Variants in CACNA1I observed in about 807,000 individuals in gnomAD.
CACNA1I encodes calcium voltage-gated channel subunit alpha1 I, also known as voltage-dependent T-type calcium channel subunit alpha-1I.
In CACNA1I, 74 loss-of-function variants were observed where a neutral mutation model predicts 201.6. The ratio of observed to expected loss-of-function variants is 0.37; its 90% CI spans 0.30 to 0.45. CACNA1I has a LOEUF of 0.45. CACNA1I is among the 20% of genes least tolerant of loss of function. CACNA1I has a pLI of 1.00. For synonymous variants in CACNA1I, 1,431 were observed against 1,345.2 expected (o/e 1.06, Z -1.40); for missense variants, 2,346 against 3,138.1 (o/e 0.75, Z 6.03).
chr22:39,599,906 G>A (rs890817749), intron 2 of CACNA1I, among the ~76,000 whole-genome samples: 14 of 152,286 alleles, frequency 9.2e-5, no homozygotes, highest in Non-Finnish European at 1.3e-4. Flanking sequence ...CCCAGTCCCC[G>A]CCCTCAGGAA....
chr22:39,576,436 C>T (rs995691166), intron 1 of CACNA1I, among the ~76,000 whole-genome samples: 1 of 152,240 alleles, frequency 6.6e-6, no homozygotes. Context: ...GGCATCAAAA[C>T]CCCGATTTCT....
At chr22:39,571,239 G>A (rs186267755) in intron 1 of CACNA1I, 17 of 549,740 alleles carry the variant, frequency 3.1e-5, no homozygotes, top group Admixed American at 6.2e-5. Flanking sequence ...TCCAGTGGCT[G>A]GCTGGCTCAG....
In CACNA1I at chr22:39,664,719, C is replaced by A. The variant is rs370985111; in HGVS notation, c.3667-20C>A. ...CGCCCCTCCCGCGGCAGCCTGACCC[C>A]GGCCCCACCCCCGCCCCAGGTAGTC... On this transcript the variant is annotated intron_variant, in intron 20 of 36. Transcript: ENST00000402142. 4.1e-4 allele frequency: 560 copies of A among 1,379,702 alleles called. 3 individuals are homozygous for A. The African/African-American group carries it at 7.1e-3, about 18-fold the overall frequency. The allele number at this position is 1,379,702 out of a possible 1,614,324, so 85.5% of individuals were successfully genotyped here.
At chr22:39,624,720 C>A (rs912408666) in intron 4 of CACNA1I, among the ~76,000 whole-genome samples, 1 of 152,218 alleles carries the variant, frequency 6.6e-6, no homozygotes, top group South Asian at 2.1e-4. Context: ...GGTGCCAGGT[C>A]CCCTGCCCAG....
intron 2 of CACNA1I, 117 bp downstream of exon 2, chr22:39,598,379 C>A: frequency 1.6e-6 from 1 of 636,564 alleles, no homozygotes; most frequent in South Asian, 1.8e-5. Context: ...CACTCCATGC[C>A]CCGCCCCGCT....
At position 39,673,863 on chromosome 22, in the gene CACNA1I, A is replaced by G. The variant is rs1027894578; in HGVS notation, c.4784-100A>G. 51 of 1,150,028 alleles carry G rather than the reference A, an allele frequency of 4.4e-5. No homozygotes were observed. The South Asian group carries it at 4.4e-4, about 10-fold the overall frequency. The allele number at this position is 1,150,028 out of a possible 1,614,324, so 71.2% of individuals were successfully genotyped here. ...CCAGACTCTGCTTGCACGTGCCTTC[A>G]TGTTCTCTTCTCCCAAGTTTACACA... is the stretch of plus-strand genomic sequence containing the variant. On this transcript the variant is annotated intron_variant, in intron 28 of 36. Coordinates refer to ENST00000402142, the MANE Select transcript of CACNA1I (RefSeq NM_021096.4).
chr22:39,685,079 G>C lies in CACNA1I; in HGVS notation c.6027+581G>C, dbSNP rs996083882. ...CCACAGTGAGTGCAGTTGATTCACT[G>C]GGTGACTGTCTGACCCGTCACACCA... On this transcript the variant is annotated intron_variant, in intron 36 of 36. Transcript: ENST00000402142. This position sits in a 1 kb window ranked among gnomAD's most constrained non-coding sequence, Gnocchi z 5.0. 5.7e-6 allele frequency: 1 copy of C among 176,014 alleles called. No individual in the cohort carries two copies. The highest frequency in any genetic ancestry group is 1.2e-5 in the Non-Finnish European group (1 of 83,078). The allele number at this position is 176,014 out of a possible 1,614,324, so 10.9% of individuals were successfully genotyped here. A position where few individuals can be genotyped will look rare whatever the true frequency, so the allele number is the denominator to read the frequency against.
At chr22:39,578,819 C>T (rs903292245) in intron 1 of CACNA1I, among the ~76,000 whole-genome samples, 3 of 152,212 alleles carry the variant, frequency 2.0e-5, no homozygotes, top group African/African-American at 7.2e-5. Flanking sequence ...CGTTCTTTCC[C>T]TTGGGGTCCA....
At chr22:39,616,914 C>T (rs966335063) in intron 3 of CACNA1I, among the ~76,000 whole-genome samples, 7 of 152,140 alleles carry the variant, frequency 4.6e-5, no homozygotes, top group East Asian at 3.9e-4. Context: ...AGCCAATAGT[C>T]CTAGACTGGG....
chr22:39,656,559 G>A (rs1400270426), intron 10 of CACNA1I: 3 of 514,302 alleles, frequency 5.8e-6, no homozygotes, highest in Non-Finnish European at 1.2e-5. Flanking sequence ...GGCAGGGACG[G>A]TGCCCTGACT....
chr22:39,613,735 C>T (rs914279999), intron 3 of CACNA1I, among the ~76,000 whole-genome samples: 4 of 152,212 alleles, frequency 2.6e-5, no homozygotes, highest in Non-Finnish European at 4.4e-5. Context: ...GAGCCGGAGG[C>T]GCTGGCCTGC....
At position 39,672,323 on chromosome 22, in the gene CACNA1I, T is replaced by C; in HGVS notation, c.4649+15T>C. ...TTCAAGGACCGGTGAGTGGCCAGGC[T>C]GGATTAGGGCAGTAATAGGGTAGAC... On this transcript the variant is annotated intron_variant, in intron 27 of 36. Coordinates refer to ENST00000402142, the MANE Select transcript of CACNA1I (RefSeq NM_021096.4). 6.5e-7 allele frequency: 1 copy of C among 1,547,060 alleles called. No individual in the cohort carries two copies. The highest frequency in any genetic ancestry group is 8.9e-7 in the Non-Finnish European group (1 of 1,119,764).
intron 24 of CACNA1I, 121 bp from the exon 25 acceptor site, chr22:39,669,917 C>A: frequency 9.1e-7 from 1 of 1,096,942 alleles, no homozygotes; most frequent in Non-Finnish European, 1.4e-6. Context: ...ACCTCACAGC[C>A]ACCTTCCTGG....
chr22:39,622,618 G>A (rs1048581452), intron 4 of CACNA1I, among the ~76,000 whole-genome samples: 3 of 136,352 alleles, frequency 2.2e-5, no homozygotes, highest in African/African-American at 7.9e-5. Flanking sequence ...GGTGGGGGGG[G>A]CAGTGGGGGT....
rs1414608439 is a variant in CACNA1I, at chr22:39,673,950, G to A, written c.4784-13G>A. The A allele has an allele frequency of 6.2e-7, 1 of 1,611,758 alleles. No individual in the cohort carries two copies. Among genetic ancestry groups the A allele is most frequent in the Non-Finnish European group, 8.5e-7 (1 of 1,179,738 alleles). ...CCTGGGGCTGAGTGGGCAGGGCTGG[G>A]TCTCGCCCGCAGTGCTGAAGCTGTT... On this transcript the variant is annotated splice_polypyrimidine_tract_variant and intron_variant, in intron 28 of 36. Transcript: ENST00000402142.
At chr22:39,623,112 G>C (rs1327984432) in intron 4 of CACNA1I, among the ~76,000 whole-genome samples, 4 of 152,224 alleles carry the variant, frequency 2.6e-5, no homozygotes, top group African/African-American at 7.2e-5. Context: ...GGCATGGGAC[G>C]GGACACGGGC....
At chr22:39,579,427 A>G (rs1473854905) in intron 1 of CACNA1I, among the ~76,000 whole-genome samples, 1 of 152,224 alleles carries the variant, frequency 6.6e-6, no homozygotes, top group Admixed American at 6.5e-5. Flanking sequence ...GGCTGGCTGT[A>G]TCTGTCTGTT....
rs370100217 is a variant in CACNA1I at position 39,590,058 on chromosome 22, A to C, written c.237-8093A>C. Among the ~76,000 whole-genome samples, 31 of 151,864 alleles carry C rather than the reference A, an allele frequency of 2.0e-4. No individual in the cohort carries two copies. In the East Asian group the frequency reaches 5.6e-3, roughly 28 times the overall value. ...GAGGGTGGTGGTCGCCATGGTAACCATGCAGGCCTCTGGCTCGGCTCCTGG... is the reference window on the plus strand; with the variant it reads ...GAGGGTGGTGGTCGCCATGGTAACCCTGCAGGCCTCTGGCTCGGCTCCTGG... On this transcript the variant is annotated intron_variant, in intron 1 of 36. Transcript: ENST00000402142.
intron 5 of CACNA1I, among the ~76,000 whole-genome samples, chr22:39,635,662 T>A (rs968932533): frequency 6.7e-6 from 1 of 149,068 alleles, no homozygotes; most frequent in Non-Finnish European, 1.5e-5. Context: ...AGGAAGGGGG[T>A]CTACACTTGT....
Sources: allele counts gnomAD v4.1 joint callset (sites outside exome capture counted in the v4.1 genomes callset), GRCh38; gene constraint gnomAD v4.1.1; non-coding constraint Gnocchi (gnomAD v3.1); transcripts MANE v1.5; gene names NCBI Gene and HGNC (gene_info 2026-07-23, HGNC 2026-07-21).